PPP1R12B: variants seen among roughly 807,000 people sequenced by gnomAD.
PPP1R12B encodes myosin phosphatase target subunit 2.
PPP1R12B carries 76 observed loss-of-function variants against 126.1 expected under a neutral mutation model. The ratio of observed to expected loss-of-function variants is 0.60; its 90% CI spans 0.50 to 0.73. The LOEUF is 0.73. Ranked by LOEUF, PPP1R12B falls within the 30% of genes least tolerant of loss-of-function variation. The pLI is 0.00. For synonymous variants in PPP1R12B, 356 were observed against 434.7 expected (o/e 0.82, Z 2.25); for missense variants, 1,052 against 1,205.1 (o/e 0.87, Z 1.88).
intron 13 of PPP1R12B, among the ~76,000 whole-genome samples, chr1:202,450,155 G>A (rs1356276841): frequency 1.3e-5 from 2 of 152,204 alleles, no homozygotes. Flanking sequence ...AAAGGAAACA[G>A]TATGACACAA....
chr1:202,353,671 G>A (rs1386823144), intron 1 of PPP1R12B, among the ~76,000 whole-genome samples: 1 of 151,084 alleles, frequency 6.6e-6, no homozygotes, highest in Admixed American at 6.6e-5. Context: ...GTGTGGTGGT[G>A]TGACCATGGA....
intron 1 of PPP1R12B, among the ~76,000 whole-genome samples, chr1:202,403,651 C>T (rs1284536234): frequency 6.6e-6 from 1 of 152,192 alleles, no homozygotes; most frequent in Non-Finnish European, 1.5e-5. Flanking sequence ...TCTAGGCTCA[C>T]TTTTGGATTA....
rs897306894 is a variant in PPP1R12B at position 202,589,647 on chromosome 1, C to T, written c.*9087C>T. The T allele has an allele frequency of 5.9e-5, 9 of 152,368 alleles. No individual in the cohort carries two copies. Among genetic ancestry groups the T allele is most frequent in the South Asian group, 2.1e-4 (1 of 4,822 alleles). The allele number at this position is 152,368 out of a possible 1,614,324, so 9.4% of individuals were successfully genotyped here. A position where few individuals can be genotyped will look rare whatever the true frequency, so the allele number is the denominator to read the frequency against. ...CCCTCTTGGGGGGAAAGGAGAAGGC[C>T]ACAACCTATTGGCAGAGTAAAAAGC... On this transcript the variant is annotated 3_prime_UTR_variant, in exon 24 of 24. Coordinates refer to ENST00000608999, the MANE Select transcript of PPP1R12B (RefSeq NM_002481.4).
At chr1:202,403,866 A>G (rs1327424004) in intron 1 of PPP1R12B, among the ~76,000 whole-genome samples, 1 of 152,194 alleles carries the variant, frequency 6.6e-6, no homozygotes, top group African/African-American at 2.4e-5. Flanking sequence ...TCTCCATGTT[A>G]TCCTTTCTCA....
intron 18 of PPP1R12B, chr1:202,539,910 C>G (rs879469181): frequency 1.7e-5 from 10 of 603,054 alleles, no homozygotes; most frequent in Non-Finnish European, 2.4e-5. Flanking sequence ...AACCTGTGGT[C>G]AAAGCTGAAT....
At chr1:202,408,835 ATTTC>A (rs1666984540) in intron 1 of PPP1R12B, among the ~76,000 whole-genome samples, 1 of 141,414 alleles carries the variant, frequency 7.1e-6, no homozygotes, top group South Asian at 2.2e-4. Context: ...AATTATTATT[ATTTC>A]TTTCTTTTTT....
chr1:202,575,197 C>G, intron 23 of PPP1R12B: 2 of 1,553,326 alleles, frequency 1.3e-6, no homozygotes, highest in Non-Finnish European at 8.7e-7. Context: ...GTTCAGTCTT[C>G]TTGTTAGTCC....
At chr1:202,394,836 A>G (rs187024046) in intron 1 of PPP1R12B, among the ~76,000 whole-genome samples, 6 of 151,892 alleles carry the variant, frequency 4.0e-5, no homozygotes, top group Non-Finnish European at 8.8e-5. Flanking sequence ...AAGAAAATCA[A>G]TTTGGGCTGG....
intron 18 of PPP1R12B, among the ~76,000 whole-genome samples, chr1:202,535,507 C>T (rs1684444206): frequency 6.6e-6 from 1 of 152,108 alleles, no homozygotes; most frequent in Admixed American, 6.5e-5. Flanking sequence ...TTAGATATGT[C>T]CCATCTAAAA....
At chr1:202,456,385 A>C (rs1293200078) in intron 13 of PPP1R12B, among the ~76,000 whole-genome samples, 1 of 152,222 alleles carries the variant, frequency 6.6e-6, no homozygotes, top group Non-Finnish European at 1.5e-5. Context: ...GCCCATTATA[A>C]ACAGAAATTC....
At position 202,566,668 on chromosome 1, in the gene PPP1R12B, C is replaced by T. The variant is rs528264414; in HGVS notation, c.2758-1110C>T. Among the ~76,000 whole-genome samples the T allele has an allele frequency of 2.6e-5, 4 of 152,252 alleles. No homozygotes were observed. In the South Asian group the frequency reaches 6.2e-4, roughly 24 times the overall value. The stretch of plus-strand genomic sequence containing the variant: ...TAACAAGCTGTAGGATCTATTTTTG[C>T]GTTTTTTTCTCTTCCTTCTGCTTCA... On this transcript the variant is annotated intron_variant, in intron 21 of 23. Transcript: ENST00000608999.
At chr1:202,570,087 C>G (rs1688453841) in intron 23 of PPP1R12B, among the ~76,000 whole-genome samples, 1 of 152,162 alleles carries the variant, frequency 6.6e-6, no homozygotes, top group African/African-American at 2.4e-5. Flanking sequence ...TCACTTAGCA[C>G]CTACTCAGCT....
Position 202,503,001 on chromosome 1 carries a change from A to T in PPP1R12B, c.2490+6179A>T, listed in dbSNP as rs1272961465. On this transcript the variant is annotated intron_variant, in intron 18 of 23. Coordinates refer to ENST00000608999, the MANE Select transcript of PPP1R12B (RefSeq NM_002481.4). ...CTTTGGCTTTTGTAGTTTTGAGCAC[A>T]AGAGTGACATGATTATATTTATATT... The T allele has an allele frequency of 2.6e-5, 4 of 152,198 alleles. No homozygotes were observed. The East Asian group carries it at 5.8e-4, about 22-fold the overall frequency. 9.4% of individuals were successfully genotyped at this position (152,198 alleles called of 1,614,324 possible).
At chr1:202,362,104 A>T (rs1473606155) in intron 1 of PPP1R12B, among the ~76,000 whole-genome samples, 1 of 150,564 alleles carries the variant, frequency 6.6e-6, no homozygotes, top group Non-Finnish European at 1.5e-5. Context: ...CATTTTTGCC[A>T]GGTTTCTTTT....
At chr1:202,405,861 T>C (rs1230835868) in intron 1 of PPP1R12B, among the ~76,000 whole-genome samples, 1 of 152,228 alleles carries the variant, frequency 6.6e-6, no homozygotes, top group Non-Finnish European at 1.5e-5. Flanking sequence ...TATGGACTAA[T>C]AATATATTAT....
intron 1 of PPP1R12B, among the ~76,000 whole-genome samples, chr1:202,384,276 A>G (rs757536621): frequency 3.9e-5 from 6 of 152,262 alleles, no homozygotes; most frequent in African/African-American, 7.2e-5. Context: ...ATTATTCACA[A>G]TAACCAAAAG....
At chr1:202,349,461 G>C (rs1041961851) in intron 1 of PPP1R12B, among the ~76,000 whole-genome samples, 2 of 152,144 alleles carry the variant, frequency 1.3e-5, no homozygotes, top group Non-Finnish European at 2.9e-5. Flanking sequence ...ACTTATGTCT[G>C]GTTGGCGTGC....
At chr1:202,568,774 G>A (rs1341066110) in intron 22 of PPP1R12B, among the ~76,000 whole-genome samples, 1 of 152,198 alleles carries the variant, frequency 6.6e-6, no homozygotes, top group Non-Finnish European at 1.5e-5. Context: ...GAGCATTACT[G>A]AAGATAATGA....
intron 23 of PPP1R12B, 138 bp from the exon 24 acceptor site, chr1:202,580,336 T>C: frequency 8.0e-6 from 5 of 628,492 alleles, no homozygotes; most frequent in Non-Finnish European, 1.4e-5. Flanking sequence ...ATTTCATCCC[T>C]GGGAGAAGGG....
Sources: gnomAD v4.1 joint callset for allele counts (sites outside exome capture counted in the v4.1 genomes callset) on GRCh38, gnomAD v4.1.1 for gene constraint, MANE v1.5 for transcripts, NCBI Gene and HGNC (gene_info 2026-07-23, HGNC 2026-07-21) for gene names.